The following CFAP77 variants were observed in gnomAD, a reference collection of about 807,000 sequenced individuals.
CFAP77 encodes the protein cilia and flagella associated protein 77, also known as cilia- and flagella-associated protein 77.
In CFAP77, 25 loss-of-function variants were observed where a neutral mutation model predicts 31.1. That is an observed-to-expected ratio of 0.80 (90% CI 0.59 to 1.12). The LOEUF (loss-of-function observed/expected upper bound fraction) is 1.12. Ranked by LOEUF, CFAP77 falls within the 50% of genes most tolerant of loss-of-function variation. The pLI is 0.00. For synonymous variants in CFAP77, 151 were observed against 159.9 expected (o/e 0.94, Z 0.42); for missense variants, 377 against 397.3 (o/e 0.95, Z 0.44).
intron 1 of CFAP77, among the ~76,000 whole-genome samples, chr9:132,436,119 A>G (rs1011602412): frequency 6.6e-6 from 1 of 152,178 alleles, no homozygotes. Context: ...TTGAAATAAT[A>G]AGAAATGTAT....
rs1852866602 is a variant in CFAP77 at position 132,554,438 on chromosome 9, G to A, written c.732+11391G>A. ...CACAGCCTCAACTTCCTAGGCTCAGGTGATCCCCCACCTCAGCCTCCCAAG... is the reference window on the plus strand; with the variant it reads ...CACAGCCTCAACTTCCTAGGCTCAGATGATCCCCCACCTCAGCCTCCCAAG... On this transcript the variant is annotated intron_variant, in intron 5 of 5. Transcript: ENST00000393216. This position sits in a 1 kb window ranked among gnomAD's most constrained non-coding sequence, Gnocchi z 4.1. Among the ~76,000 whole-genome samples, 1 of 151,960 alleles carries A rather than the reference G, an allele frequency of 6.6e-6. No homozygotes were observed. Among genetic ancestry groups the A allele is most frequent in the Admixed American group, 6.6e-5 (1 of 15,262 alleles).
chr9:132,411,081 T>C (rs73552776), intron 1 of CFAP77, among the ~76,000 whole-genome samples: 4,145 of 152,338 alleles, frequency 0.027, 202 homozygotes, highest in African/African-American at 0.093. Flanking sequence ...CTGGATCACT[T>C]TCCCTTCCAT....
chr9:132,556,364 G>A (rs914489615), intron 5 of CFAP77, among the ~76,000 whole-genome samples: 17 of 152,204 alleles, frequency 1.1e-4, no homozygotes, highest in Non-Finnish European at 2.2e-4. Context: ...GACCCCTCCA[G>A]AAGAAAGAGC....
rs377141360 is a variant in CFAP77, at chr9:132,497,145, G to T, written c.196-1550G>T. 4.6e-5 allele frequency among the ~76,000 whole-genome samples: 7 copies of T among 152,156 alleles called. No homozygotes were observed. The East Asian group carries it at 1.4e-3, about 29-fold the overall frequency. On this transcript the variant is annotated intron_variant, in intron 1 of 5. Transcript: ENST00000393216. The surrounding 1 kb of genome is among the most constrained non-coding windows in gnomAD (Gnocchi z 4.9). Reference sequence around the variant, plus strand: ...AGTGGGTTTGTCTATCTCAACAGGGGGTGCTGTGGGGGAGCCTGGGAGGCA... The same window carrying T: ...AGTGGGTTTGTCTATCTCAACAGGGTGTGCTGTGGGGGAGCCTGGGAGGCA...
chr9:132,521,895 T>TA (rs1486304529), intron 3 of CFAP77, among the ~76,000 whole-genome samples: 1 of 149,952 alleles, frequency 6.7e-6, no homozygotes, highest in African/African-American at 2.5e-5. Flanking sequence ...GCCTCCCAAG[T>TA]AGACTACAGG....
intron 1 of CFAP77, among the ~76,000 whole-genome samples, chr9:132,486,022 A>ATATGTATG (rs1317819696): frequency 1.2e-4 from 3 of 25,868 alleles, no homozygotes; most frequent in Non-Finnish European, 1.8e-4. Flanking sequence ...ATATATATAT[A>ATATGTATG]TATATATATA....
rs34683089 is a variant in CFAP77 at position 132,516,590 on chromosome 9, T to TACACACACAC, written c.524+17013_524+17022dup. ...AACACATGATTAAACCACACAGAAA[T>TACACACACAC]ACACACACACACACACACACACACA... On this transcript the variant is annotated intron_variant, in intron 3 of 5. Transcript: ENST00000393216. Among the ~76,000 whole-genome samples the TACACACACAC allele has an allele frequency of 4.9e-3, 708 of 145,040 alleles. 2 individuals carry two copies. The highest frequency in any genetic ancestry group is 0.012 in the East Asian group (59 of 4,908).
rs147767218 is a variant in CFAP77, at chr9:132,541,699, C to T, written c.631-1247C>T. Among the ~76,000 whole-genome samples, 137 of 152,218 alleles carry T rather than the reference C, an allele frequency of 9.0e-4. 2 individuals are homozygous for T. The South Asian group carries it at 0.016, about 18-fold the overall frequency. ...TTCAGCCTGGGCAACAGTGACACTC[C>T]GTCTCAAAACAACAACAACAAAAAA... On this transcript the variant is annotated intron_variant, in intron 4 of 5. Transcript: ENST00000393216.
At position 132,499,232 on chromosome 9, in the gene CFAP77, CCAGG is replaced by C; in HGVS notation, c.296-135_296-132del. ...TTTGGGCCATCATGCTTTCTGGGGG[CCAGG>C]CAGGGTTGTCACCCAGTAGGCTCAG... is the stretch of plus-strand genomic sequence containing the variant. On this transcript the variant is annotated intron_variant, in intron 2 of 5. Transcript: ENST00000393216. The surrounding 1 kb of genome is among the most constrained non-coding windows in gnomAD (Gnocchi z 5.4). The C allele has an allele frequency of 1.4e-6, 1 of 711,968 alleles. No individual in the cohort carries two copies. The highest frequency in any genetic ancestry group is 2.3e-6 in the Non-Finnish European group (1 of 433,966). The allele number at this position is 711,968 out of a possible 1,614,324, so 44.1% of individuals were successfully genotyped here.
intron 3 of CFAP77, among the ~76,000 whole-genome samples, chr9:132,532,047 C>T (rs1852462142): frequency 6.6e-6 from 1 of 152,174 alleles, no homozygotes; most frequent in African/African-American, 2.4e-5. Context: ...AATTAGGCTG[C>T]TCAGAAGCAT....
chr9:132,455,780 C>T lies in CFAP77; in HGVS notation c.196-42915C>T, dbSNP rs569398445. On this transcript the variant is annotated intron_variant, in intron 1 of 5. Coordinates refer to ENST00000393216, the MANE Select transcript of CFAP77 (RefSeq NM_001282957.2). This position sits in a 1 kb window ranked among gnomAD's most constrained non-coding sequence, Gnocchi z 4.1. ...AACGAACCCCAAATGTCTCTCCACT[C>T]AGCTCCCAACAGGATGCAATTGTCA... Among the ~76,000 whole-genome samples, 1 of 152,216 alleles carries T rather than the reference C, an allele frequency of 6.6e-6. No individual in the cohort carries two copies. Among genetic ancestry groups the T allele is most frequent in the East Asian group, 1.9e-4 (1 of 5,174 alleles).
rs112794676 is a variant in CFAP77, at chr9:132,423,188, T to C, written c.195+12722T>C. On this transcript the variant is annotated intron_variant, in intron 1 of 5. Coordinates refer to ENST00000393216, the MANE Select transcript of CFAP77 (RefSeq NM_001282957.2). ...GCAAGTCTTTTAAAAACTACTCTTCTAAAAGGAAAGCGCCTGTTGGGCGAA... is the reference window on the plus strand; with the variant it reads ...GCAAGTCTTTTAAAAACTACTCTTCCAAAAGGAAAGCGCCTGTTGGGCGAA... 4.8e-3 allele frequency among the ~76,000 whole-genome samples: 728 copies of C among 152,336 alleles called. 6 individuals are homozygous for C. Among genetic ancestry groups the C allele is most frequent in the Middle Eastern group, 0.017 (5 of 294 alleles).
intron 5 of CFAP77, among the ~76,000 whole-genome samples, chr9:132,559,346 CAAAAAAA>C (rs35737685): frequency 1.8e-5 from 1 of 56,082 alleles, no homozygotes; most frequent in East Asian, 4.8e-4. Context: ...CTCTGTCTTG[CAAAAAAA>C]AAAAAAAAAA....
chr9:132,547,086 G>A (rs76398995), intron 5 of CFAP77, among the ~76,000 whole-genome samples: 4,362 of 152,320 alleles, frequency 0.029, 127 homozygotes, highest in African/African-American at 0.07. Flanking sequence ...TGGAGGAGCC[G>A]CTGGGCTGGG....
rs548975021 is a variant in CFAP77 at position 132,522,768 on chromosome 9, T to C, written c.525-14833T>C. Among the ~76,000 whole-genome samples the C allele has an allele frequency of 2.0e-5, 3 of 152,130 alleles. No homozygotes were observed. In the East Asian group the frequency reaches 5.8e-4, roughly 29 times the overall value. On this transcript the variant is annotated intron_variant, in intron 3 of 5. Transcript: ENST00000393216. ...CCAGGAAGGCAGGATCACCCCCGGGTGCTTTGTGGTGGAAAACAAACGGCC... is the reference window on the plus strand; with the variant it reads ...CCAGGAAGGCAGGATCACCCCCGGGCGCTTTGTGGTGGAAAACAAACGGCC...
intron 4 of CFAP77, 33 bp downstream of exon 4, chr9:132,537,739 T>A: frequency 1.3e-6 from 2 of 1,538,352 alleles, no homozygotes; most frequent in Non-Finnish European, 1.8e-6. Flanking sequence ...AGTTGACAGC[T>A]GATGGGGTGG....
At chr9:132,524,594 T>C (rs1040233115) in intron 3 of CFAP77, among the ~76,000 whole-genome samples, 19 of 150,900 alleles carry the variant, frequency 1.3e-4, no homozygotes, top group East Asian at 7.9e-4. Context: ...TCCTGGCCAA[T>C]AGAGCAAGGC....
chr9:132,464,564 C>T (rs898910591), intron 1 of CFAP77, among the ~76,000 whole-genome samples: 4 of 152,126 alleles, frequency 2.6e-5, no homozygotes, highest in Non-Finnish European at 5.9e-5. Context: ...TTATTTAACC[C>T]ACTATGTCCA....
At chr9:132,506,236 G>A (rs1445167401) in intron 3 of CFAP77, among the ~76,000 whole-genome samples, 3 of 152,200 alleles carry the variant, frequency 2.0e-5, no homozygotes, top group South Asian at 2.1e-4. Context: ...CATTACCAGC[G>A]TGTAAGGCCC....
Sources: gnomAD v4.1 joint callset for allele counts (sites outside exome capture counted in the v4.1 genomes callset) on GRCh38, gnomAD v4.1.1 for gene constraint, Gnocchi (gnomAD v3.1) non-coding constraint, MANE v1.5 for transcripts, NCBI Gene and HGNC (gene_info 2026-07-23, HGNC 2026-07-21) for gene names.